The following DNMT3A variants were observed in gnomAD, a reference collection of about 807,000 sequenced individuals.
DNMT3A encodes DNA (cytosine-5)-methyltransferase 3A.
DNMT3A carries 267 observed loss-of-function variants against 117.6 expected under a neutral mutation model. The observed-to-expected ratio is 2.27, with a 90% CI of 2.05 to 2.51. The LOEUF is 2.51. DNMT3A is among the 30% of genes most tolerant of loss of function. The pLI, the probability that DNMT3A is intolerant of heterozygous loss-of-function variation, is 0.00. For missense variants in DNMT3A, 1,029 were observed against 1,260.2 expected (o/e 0.82, Z 2.78); for synonymous variants, 432 against 474.8 (o/e 0.91, Z 1.17).
At chr2:25,273,465 C>G (rs191025310) in intron 6 of DNMT3A, among the ~76,000 whole-genome samples, 6 of 152,280 alleles carry the variant, frequency 3.9e-5, no homozygotes, top group Admixed American at 3.9e-4. Context: ...GGCCGCCTTC[C>G]CCTGGAGGCC....
At chr2:25,312,379 G>A (rs539151992) in intron 2 of DNMT3A, among the ~76,000 whole-genome samples, 1 of 152,212 alleles carries the variant, frequency 6.6e-6, no homozygotes, top group East Asian at 1.9e-4. Context: ...CGCCCCGGGC[G>A]TCCTGCCCAG....
chr2:25,276,853 T>G lies in DNMT3A; in HGVS notation c.449-1310A>C, dbSNP rs895970867. ...CTGAAACGGAAAAAACAGCCCCGACTTCATCTCCTGGCTGTGAAGCGGAAG... is the reference window on the plus strand; with the variant it reads ...CTGAAACGGAAAAAACAGCCCCGACGTCATCTCCTGGCTGTGAAGCGGAAG... On this transcript the variant is annotated intron_variant, in intron 4 of 22. Coordinates refer to ENST00000321117, the MANE Select transcript of DNMT3A (RefSeq NM_022552.5). Among the ~76,000 whole-genome samples, 321 of 152,346 alleles carry G rather than the reference T, an allele frequency of 2.1e-3. 1 individual carries two copies. The highest frequency in any genetic ancestry group is 3.3e-3 in the Non-Finnish European group (222 of 68,016).
intron 1 of DNMT3A, among the ~76,000 whole-genome samples, chr2:25,324,937 G>C (rs1024979070): frequency 2.6e-5 from 4 of 152,142 alleles, no homozygotes; most frequent in African/African-American, 9.7e-5. Context: ...TCTGGCTCTA[G>C]AGTCACAATA....
chr2:25,333,596 G>A (rs921002088), intron 1 of DNMT3A, among the ~76,000 whole-genome samples: 16 of 152,282 alleles, frequency 1.1e-4, no homozygotes, highest in South Asian at 4.1e-4. Context: ...CTCCCAAAGC[G>A]CTGGGATTAC....
intron 6 of DNMT3A, among the ~76,000 whole-genome samples, chr2:25,271,116 G>A (rs1363532147): frequency 2.0e-5 from 3 of 151,924 alleles, no homozygotes; most frequent in African/African-American, 7.3e-5. Flanking sequence ...AGGCCAAGGC[G>A]GGCAGATCAC....
At chr2:25,332,219 C>T (rs542132918) in intron 1 of DNMT3A, among the ~76,000 whole-genome samples, 124 of 152,238 alleles carry the variant, frequency 8.1e-4, no homozygotes, top group Non-Finnish European at 1.5e-3. Context: ...CCATGTCCCC[C>T]GGCCCAGGCC....
At chr2:25,320,239 A>C (rs1005415785) in intron 1 of DNMT3A, among the ~76,000 whole-genome samples, 1 of 152,260 alleles carries the variant, frequency 6.6e-6, no homozygotes, top group Admixed American at 6.5e-5. Context: ...ATCAGCTACA[A>C]TGTGCCTAGA....
At chr2:25,260,625 G>T (rs1282409861) in intron 6 of DNMT3A, among the ~76,000 whole-genome samples, 1 of 152,164 alleles carries the variant, frequency 6.6e-6, no homozygotes. Context: ...AAAGAGGAAC[G>T]GGGAAGAGCT....
At chr2:25,251,825 G>A in intron 6 of DNMT3A, 1 of 335,050 alleles carries the variant, frequency 3.0e-6, no homozygotes, top group African/African-American at 2.1e-5. Flanking sequence ...CCAGGGAAGT[G>A]CCAGGCACCC....
intron 1 of DNMT3A, among the ~76,000 whole-genome samples, chr2:25,317,709 A>G (rs1430725410): frequency 6.6e-6 from 1 of 152,218 alleles, no homozygotes; most frequent in Non-Finnish European, 1.5e-5. Context: ...CAAAGATGAT[A>G]TATCAAACCA....
chr2:25,301,412 G>A (rs1020210219), intron 2 of DNMT3A, among the ~76,000 whole-genome samples: 15 of 152,268 alleles, frequency 9.9e-5, no homozygotes, highest in South Asian at 2.1e-4. Flanking sequence ...AGCTGGCACC[G>A]CGCATGCCTG....
At chr2:25,325,147 G>C (rs1302706037) in intron 1 of DNMT3A, among the ~76,000 whole-genome samples, 1 of 152,110 alleles carries the variant, frequency 6.6e-6, no homozygotes, top group Admixed American at 6.5e-5. Context: ...GAGCGGGGGG[G>C]GGATTTATAC....
In DNMT3A at chr2:25,327,447, G is replaced by A. The variant is rs573040950; in HGVS notation, c.-177-13286C>T. Among the ~76,000 whole-genome samples the A allele has an allele frequency of 9.2e-5, 14 of 152,254 alleles. No individual in the cohort carries two copies. The South Asian group carries it at 2.9e-3, about 32-fold the overall frequency. ...CCATTGTGGAGCCGGGCCCTGGAGTGAAAGGAGACCCCTGCTTCTGGAGCT... is the reference window on the plus strand; with the variant it reads ...CCATTGTGGAGCCGGGCCCTGGAGTAAAAGGAGACCCCTGCTTCTGGAGCT... On this transcript the variant is annotated intron_variant, in intron 1 of 22. Coordinates refer to ENST00000321117, the MANE Select transcript of DNMT3A (RefSeq NM_022552.5). This position sits in a 1 kb window ranked among gnomAD's most constrained non-coding sequence, Gnocchi z 4.1.
In DNMT3A at chr2:25,235,670, G is replaced by C. The variant is rs768623392; in HGVS notation, c.2597+37C>G. On this transcript the variant is annotated intron_variant, in intron 22 of 22. Transcript: ENST00000321117. ...CGCAGCAAGCACAGCAATCAGAACA[G>C]CCACACCGCAGCCAGATGCCAGCAC... is the stretch of plus-strand genomic sequence containing the variant. 3.2e-6 allele frequency: 5 copies of C among 1,550,220 alleles called. No individual in the cohort carries two copies. The Admixed American group carries it at 8.4e-5, about 26-fold the overall frequency.
chr2:25,236,907 C>G lies in DNMT3A; in HGVS notation c.2478+29G>C. ...CCTGCCCTTCCTTCTCCCTGCCCCC[C>G]AGCAGAGGTTCTAGACGCTGGAGCT... On this transcript the variant is annotated intron_variant, in intron 21 of 22. Transcript: ENST00000321117. The surrounding 1 kb of genome is among the most constrained non-coding windows in gnomAD (Gnocchi z 4.5). 6.2e-7 allele frequency: 1 copy of G among 1,604,242 alleles called. No homozygotes were observed. The highest frequency in any genetic ancestry group is 8.5e-7 in the Non-Finnish European group (1 of 1,175,646).
In DNMT3A at chr2:25,240,449, C is replaced by T. The variant is rs1295503544; in HGVS notation, c.2175G>A (p.Glu725=). ...ACTCAAAGAAGAGCCGGCCAGTGCC[C>T]TCTGAGAGGTCGGAAGAGAAAGCCA... ...IVNPARKGLY[E]GTGRLFFEFY... The change falls in exon 19 of 23, where the codon GAG becomes GAA. Residue 725 remains glutamate, a splice_region_variant and synonymous_variant. Transcript: ENST00000321117. 1 of 1,604,634 alleles carries T rather than the reference C, an allele frequency of 6.2e-7. No individual in the cohort carries two copies. The highest frequency in any genetic ancestry group is 1.7e-4 in the Middle Eastern group (1 of 5,886).
Position 25,229,401 on chromosome 2 carries a change from G to A in DNMT3A, c.*4878C>T, listed in dbSNP as rs1672786823. 6.6e-6 allele frequency: 1 copy of A among 152,292 alleles called. No homozygotes were observed. Among genetic ancestry groups the A allele is most frequent in the South Asian group, 2.1e-4 (1 of 4,832 alleles). 9.4% of individuals were successfully genotyped at this position (152,292 alleles called of 1,614,324 possible). A position where few individuals can be genotyped will look rare whatever the true frequency, so the allele number is the denominator to read the frequency against. ...TTTTCCACCCCCGGGATTGGGAGCG[G>A]GGAGGTTTCAGCTGCTCCCTGGCAA... On this transcript the variant is annotated 3_prime_UTR_variant, in exon 23 of 23. Coordinates refer to ENST00000321117, the MANE Select transcript of DNMT3A (RefSeq NM_022552.5).
rs1431292193 is a variant in DNMT3A at position 25,229,525 on chromosome 2, C to T, written c.*4754G>A. On this transcript the variant is annotated 3_prime_UTR_variant, in exon 23 of 23. Coordinates refer to ENST00000321117, the MANE Select transcript of DNMT3A (RefSeq NM_022552.5). ...AATACGCAATGACAAACTCAGATTA[C>T]TCACCTCCCGGGACCAAAACAGGGG... 1 of 152,250 alleles carries T rather than the reference C, an allele frequency of 6.6e-6. No homozygotes were observed. Among genetic ancestry groups the T allele is most frequent in the Admixed American group, 6.5e-5 (1 of 15,288 alleles). The allele number at this position is 152,250 out of a possible 1,614,324, so 9.4% of individuals were successfully genotyped here.
chr2:25,241,245 G>A (rs138201730), intron 17 of DNMT3A, among the ~76,000 whole-genome samples: 74 of 152,332 alleles, frequency 4.9e-4, no homozygotes, highest in Admixed American at 1.9e-3. Flanking sequence ...AGCCCAGGGA[G>A]TAGCCAGAGC....
Sources: allele counts gnomAD v4.1 joint callset (sites outside exome capture counted in the v4.1 genomes callset), GRCh38; gene constraint gnomAD v4.1.1; non-coding constraint Gnocchi (gnomAD v3.1); transcripts MANE v1.5; gene names NCBI Gene and HGNC (gene_info 2026-07-23, HGNC 2026-07-21).